Variants in RAPGEF4 observed in about 807,000 individuals in gnomAD.
The protein encoded by RAPGEF4 is RAP guanine-nucleotide-exchange factor (GEF) 4.
In RAPGEF4, 66 loss-of-function variants were observed where a neutral mutation model predicts 147.9. The observed-to-expected ratio is 0.45, with a 90% CI of 0.37 to 0.55. The LOEUF is 0.55. RAPGEF4 is among the 20% of genes least tolerant of loss of function. The pLI is 0.00. For missense variants in RAPGEF4, 1,071 were observed against 1,257.3 expected (o/e 0.85, Z 2.24); for synonymous variants, 419 against 442.7 (o/e 0.95, Z 0.67).
At chr2:172,860,603 G>A (rs1200012427) in intron 4 of RAPGEF4, among the ~76,000 whole-genome samples, 1 of 148,518 alleles carries the variant, frequency 6.7e-6, no homozygotes, top group Non-Finnish European at 1.5e-5. Flanking sequence ...TTACGGGGAA[G>A]TGAAGGGTTA....
At chr2:172,961,085 C>G (rs912030118) in intron 7 of RAPGEF4, 37 bp from the exon 8 acceptor site, 2 of 1,428,048 alleles carry the variant, frequency 1.4e-6, no homozygotes, top group Admixed American at 1.7e-5. Flanking sequence ...ATAAACACTT[C>G]TTTCTCCTCC....
intron 4 of RAPGEF4, among the ~76,000 whole-genome samples, chr2:172,892,211 C>G (rs2149908523): frequency 6.6e-6 from 1 of 152,280 alleles, no homozygotes; most frequent in Non-Finnish European, 1.5e-5. Context: ...AGAACTCTGT[C>G]CCTGAGGTCC....
intron 4 of RAPGEF4, among the ~76,000 whole-genome samples, chr2:172,814,907 C>T (rs776674766): frequency 3.9e-5 from 6 of 152,210 alleles, no homozygotes; most frequent in Non-Finnish European, 5.9e-5. Flanking sequence ...TGTCTGGTTA[C>T]TTGCCAACTT....
intron 4 of RAPGEF4, among the ~76,000 whole-genome samples, chr2:172,906,068 T>G (rs1218506123): frequency 1.3e-5 from 2 of 152,010 alleles, no homozygotes; most frequent in African/African-American, 4.8e-5. Flanking sequence ...TCTGGGATTT[T>G]GGAGCCATGT....
intron 12 of RAPGEF4, 58 bp downstream of exon 12, chr2:172,985,551 C>T (rs1692161662): frequency 2.5e-6 from 4 of 1,579,152 alleles, no homozygotes; most frequent in Non-Finnish European, 3.4e-6. Context: ...CAAGCACATG[C>T]CACGGGAAGC....
intron 4 of RAPGEF4, among the ~76,000 whole-genome samples, chr2:172,833,139 G>A (rs1261079561): frequency 6.6e-6 from 1 of 151,844 alleles, no homozygotes; most frequent in Non-Finnish European, 1.5e-5. Flanking sequence ...GAGAGGTGGA[G>A]GTTGCAATGA....
intron 6 of RAPGEF4, among the ~76,000 whole-genome samples, chr2:172,955,695 G>T (rs1161178674): frequency 6.6e-6 from 1 of 152,150 alleles, no homozygotes; most frequent in East Asian, 1.9e-4. Context: ...GCCAAACATG[G>T]GGCTCTAGGA....
intron 29 of RAPGEF4, 48 bp downstream of exon 29, chr2:173,036,740 A>C: frequency 7.1e-7 from 1 of 1,416,320 alleles, no homozygotes; most frequent in Non-Finnish European, 9.7e-7. Context: ...TTAAAATAAA[A>C]TTTGCATTTT....
intron 4 of RAPGEF4, among the ~76,000 whole-genome samples, chr2:172,858,657 A>T (rs1451290769): frequency 6.6e-6 from 1 of 152,274 alleles, no homozygotes; most frequent in Non-Finnish European, 1.5e-5. Context: ...CAGCCGAGTG[A>T]CAAGCCCAGA....
At chr2:172,858,348 T>C (rs1325938088) in intron 4 of RAPGEF4, among the ~76,000 whole-genome samples, 1 of 152,234 alleles carries the variant, frequency 6.6e-6, no homozygotes, top group Non-Finnish European at 1.5e-5. Flanking sequence ...ATAAGCTGAT[T>C]TGTAGAGTAG....
intron 4 of RAPGEF4, among the ~76,000 whole-genome samples, chr2:172,877,014 T>A (rs1575111670): frequency 6.6e-6 from 1 of 152,312 alleles, no homozygotes; most frequent in South Asian, 2.1e-4. Context: ...TTCTTCTAGA[T>A]TTTCTAGTTT....
At chr2:172,922,227 T>A in intron 5 of RAPGEF4, 54 bp from the exon 6 acceptor site, 1 of 1,559,318 alleles carries the variant, frequency 6.4e-7, no homozygotes, top group African/African-American at 1.4e-5. Flanking sequence ...AATTCCACTT[T>A]ACCGGTTGAT....
intron 5 of RAPGEF4, among the ~76,000 whole-genome samples, chr2:172,921,912 A>G (rs1684803255): frequency 6.6e-6 from 1 of 152,228 alleles, no homozygotes; most frequent in African/African-American, 2.4e-5. Flanking sequence ...AGCATGTGAA[A>G]CTTAGGAGTT....
At position 172,961,203 on chromosome 2, in the gene RAPGEF4, A is replaced by C. The variant is rs1394259996; in HGVS notation, c.673A>C (p.Arg225=). The C allele has an allele frequency of 6.2e-7, 1 of 1,608,080 alleles. No homozygotes were observed. Among genetic ancestry groups the C allele is most frequent in the Admixed American group, 1.7e-5 (1 of 60,028 alleles). The change falls in exon 8 of 31, where the codon AGA becomes CGA. Residue 225 remains arginine (R), a synonymous_variant. Transcript: ENST00000397081. ...TCGAGCACCTCACATGATAAGAGAT[A>C]GAAAATACCACCTAAAGACATACAG... ...LSRAPHMIRD[R]KYHLKTYRQC...
At chr2:172,986,737 A>G (rs932001316) in intron 12 of RAPGEF4, among the ~76,000 whole-genome samples, 2 of 148,872 alleles carry the variant, frequency 1.3e-5, no homozygotes, top group African/African-American at 5.0e-5. Context: ...TCTATCACCC[A>G]GGCTGGAGTG....
At chr2:172,984,443 A>G (rs1237305629) in intron 11 of RAPGEF4, among the ~76,000 whole-genome samples, 1 of 152,188 alleles carries the variant, frequency 6.6e-6, no homozygotes, top group Non-Finnish European at 1.5e-5. Context: ...AGCTCCAAGC[A>G]AGAGGGCTTC....
rs914072924 is a variant in RAPGEF4, at chr2:172,941,075, A to G, written c.537+18775A>G. Among the ~76,000 whole-genome samples the G allele has an allele frequency of 5.3e-5, 8 of 152,188 alleles. No individual in the cohort carries two copies. In the East Asian group the frequency reaches 9.6e-4, roughly 18 times the overall value. On this transcript the variant is annotated intron_variant, in intron 6 of 30. Transcript: ENST00000397081. ...TATTTTGTACATGACCTTGTATCCT[A>G]TGACCTTATACTTACATATTAGTTC...
intron 1 of RAPGEF4, among the ~76,000 whole-genome samples, chr2:172,744,858 G>A (rs1187577536): frequency 6.6e-6 from 1 of 151,810 alleles, no homozygotes; most frequent in Non-Finnish European, 1.5e-5. Context: ...TTATTGAGAT[G>A]ATTATATTAT....
At chr2:172,983,288 T>C (rs567927008) in intron 10 of RAPGEF4, among the ~76,000 whole-genome samples, 2 of 152,328 alleles carry the variant, frequency 1.3e-5, no homozygotes, top group Admixed American at 6.5e-5. Context: ...CTGTGGACTT[T>C]GGCTTTCTCC....
Sources: gnomAD v4.1 joint callset for allele counts (sites outside exome capture counted in the v4.1 genomes callset) on GRCh38, gnomAD v4.1.1 for gene constraint, MANE v1.5 for transcripts, NCBI Gene and HGNC (gene_info 2026-07-23, HGNC 2026-07-21) for gene names.